Variants in NALCN observed in about 807,000 individuals in gnomAD.
NALCN encodes the protein sodium leak channel NALCN.
In NALCN, 111 loss-of-function variants were observed where a neutral mutation model predicts 225.3. The observed-to-expected ratio is 0.49, with a 90% CI of 0.42 to 0.58. The LOEUF (loss-of-function observed/expected upper bound fraction) is 0.58. NALCN is among the 20% of genes least tolerant of loss of function. The pLI is 0.00. For synonymous variants in NALCN, 764 were observed against 769.0 expected, an observed-to-expected ratio of 0.99 and a Z score of 0.11; for missense variants, 1,378 against 2,202.4, an observed-to-expected ratio of 0.63 and a Z score of 7.49.
chr13:101,296,344 C>A (rs1334099490), intron 7 of NALCN, among the ~76,000 whole-genome samples: 4 of 152,150 alleles, frequency 2.6e-5, no homozygotes, highest in Admixed American at 2.6e-4. Flanking sequence ...TTGATTAATT[C>A]TTCCTCAATA....
In NALCN at chr13:101,144,901, A is replaced by G; in HGVS notation, c.1840-5T>C. On this transcript the variant is annotated splice_region_variant and splice_polypyrimidine_tract_variant and intron_variant, in intron 15 of 43. Coordinates refer to ENST00000251127, the MANE Select transcript of NALCN (RefSeq NM_052867.4). Reference sequence around the variant, plus strand: ...ATTTGCTTCACTTTGCTTTAACTAAAGAAAAATTGGAAAGAAGAAAAAAAG... The same window carrying G: ...ATTTGCTTCACTTTGCTTTAACTAAGGAAAAATTGGAAAGAAGAAAAAAAG... The G allele has an allele frequency of 1.3e-6, 2 of 1,598,502 alleles. No homozygotes were observed. The highest frequency in any genetic ancestry group is 1.7e-6 in the Non-Finnish European group (2 of 1,176,116).
At chr13:101,279,232 G>T (rs1012640429) in intron 10 of NALCN, among the ~76,000 whole-genome samples, 3 of 152,220 alleles carry the variant, frequency 2.0e-5, no homozygotes, top group Non-Finnish European at 2.9e-5. Context: ...GGATAAGAAA[G>T]TGATGTTTGA....
intron 11 of NALCN, among the ~76,000 whole-genome samples, chr13:101,251,780 GT>G (rs1454331671): frequency 6.6e-6 from 1 of 152,122 alleles, no homozygotes; most frequent in Non-Finnish European, 1.5e-5. Flanking sequence ...AATTAATTTA[GT>G]CTCAGCACGT....
intron 15 of NALCN, among the ~76,000 whole-genome samples, chr13:101,161,636 C>T (rs1470199606): frequency 1.3e-5 from 2 of 152,188 alleles, no homozygotes; most frequent in Non-Finnish European, 2.9e-5. Flanking sequence ...CTTTGGGAGG[C>T]CAAGGCAGGC....
At chr13:101,172,236 C>T (rs2038758875) in intron 15 of NALCN, among the ~76,000 whole-genome samples, 1 of 152,162 alleles carries the variant, frequency 6.6e-6, no homozygotes, top group African/African-American at 2.4e-5. Context: ...GCAGCCCATG[C>T]CTGCCCTCAG....
intron 34 of NALCN, among the ~76,000 whole-genome samples, chr13:101,080,309 G>A (rs1594160074): frequency 6.6e-6 from 1 of 151,946 alleles, no homozygotes; most frequent in Admixed American, 6.6e-5. Flanking sequence ...TTAAAATGTG[G>A]CAATTTAAAT....
intron 6 of NALCN, among the ~76,000 whole-genome samples, chr13:101,373,546 G>A (rs1224019685): frequency 1.3e-5 from 2 of 152,136 alleles, no homozygotes; most frequent in Admixed American, 6.6e-5. Context: ...TGAACAAAAC[G>A]GAAAAGCACT....
chr13:101,276,890 T>G (rs995234326), intron 10 of NALCN, among the ~76,000 whole-genome samples: 1 of 152,154 alleles, frequency 6.6e-6, no homozygotes, highest in Non-Finnish European at 1.5e-5. Context: ...TAAAATTAGT[T>G]GCTAATGTGT....
Position 101,062,040 on chromosome 13 carries a change from G to T in NALCN, c.4683C>A (p.Tyr1561Ter). 1 of 1,614,148 alleles carries T rather than the reference G, an allele frequency of 6.2e-7. No homozygotes were observed. The highest frequency in any genetic ancestry group is 1.1e-5 in the South Asian group (1 of 91,080). ...EELLAREQLE[Y>*]TIEEEVAKQT... Reference sequence around the variant, plus strand: ...GCTTGGCCACCTCCTCCTCTATGGTGTACTCCAGCTGCTCCCTCGCCAGGA... The same window carrying T: ...GCTTGGCCACCTCCTCCTCTATGGTTTACTCCAGCTGCTCCCTCGCCAGGA... Residue 1561 changes from tyrosine to a stop codon, truncating the protein, a stop_gained, in exon 41 of 44, where the codon TAC (tyrosine) becomes TAA (stop). Transcript: ENST00000251127. LOFTEE classifies it high-confidence loss of function.
intron 17 of NALCN, among the ~76,000 whole-genome samples, chr13:101,128,213 T>C (rs2036334749): frequency 6.6e-6 from 1 of 152,242 alleles, no homozygotes; most frequent in Non-Finnish European, 1.5e-5. Flanking sequence ...GTTTGGAAAC[T>C]GAAAACATCC....
chr13:101,377,133 A>C, intron 4 of NALCN, 77 bp from the exon 5 acceptor site: 2 of 1,572,102 alleles, frequency 1.3e-6, no homozygotes, highest in Non-Finnish European at 1.7e-6. Flanking sequence ...TACAGATGTT[A>C]GCAGCATAAG....
chr13:101,376,545 A>ATAAAG (rs201731994), intron 6 of NALCN, among the ~76,000 whole-genome samples, 155 bp downstream of exon 6: 1 of 143,146 alleles, frequency 7.0e-6, no homozygotes, highest in Admixed American at 6.9e-5. Flanking sequence ...ATAAAATAAA[A>ATAAAG]ACTGGACAAA....
At chr13:101,129,890 AC>A (rs2139724484) in intron 17 of NALCN, among the ~76,000 whole-genome samples, 1 of 148,880 alleles carries the variant, frequency 6.7e-6, no homozygotes, top group African/African-American at 2.5e-5. Context: ...CCCCGATAGC[AC>A]CCAGTGTGTG....
At chr13:101,095,485 CTT>C in intron 28 of NALCN, 87 bp downstream of exon 28, 1 of 1,032,290 alleles carries the variant, frequency 9.7e-7, no homozygotes, top group Non-Finnish European at 1.4e-6. Flanking sequence ...AGCAAAACTA[CTT>C]TTAGTTACAT....
chr13:101,406,730 G>A (rs2047637824), intron 1 of NALCN, among the ~76,000 whole-genome samples: 1 of 152,040 alleles, frequency 6.6e-6, no homozygotes, highest in Admixed American at 6.6e-5. Context: ...GTTTCTGAAG[G>A]TATTATCCAT....
chr13:101,134,315 C>T (rs1002575137), intron 17 of NALCN, among the ~76,000 whole-genome samples: 1 of 152,218 alleles, frequency 6.6e-6, no homozygotes, highest in African/African-American at 2.4e-5. Context: ...CATGCATACA[C>T]CAAATCTTCG....
intron 17 of NALCN, among the ~76,000 whole-genome samples, chr13:101,129,626 T>C (rs1001057848): frequency 6.6e-6 from 1 of 152,168 alleles, no homozygotes; most frequent in Non-Finnish European, 1.5e-5. Context: ...CTAGAGCCCA[T>C]AGATGCTCAC....
intron 10 of NALCN, among the ~76,000 whole-genome samples, chr13:101,263,492 ACTTT>A (rs1160003410): frequency 6.6e-6 from 1 of 152,166 alleles, no homozygotes; most frequent in Non-Finnish European, 1.5e-5. Context: ...AAAAGCCACA[ACTTT>A]CTTTTTCTAT....
intron 7 of NALCN, among the ~76,000 whole-genome samples, chr13:101,308,289 C>T (rs2044220603): frequency 2.0e-5 from 3 of 152,200 alleles, no homozygotes; most frequent in Admixed American, 2.0e-4. Flanking sequence ...GAATTTCCTG[C>T]AAGGAGTTGT....
Sources: gnomAD v4.1 joint callset for allele counts (sites outside exome capture counted in the v4.1 genomes callset) on GRCh38, gnomAD v4.1.1 for gene constraint, MANE v1.5 for transcripts, NCBI Gene and HGNC (gene_info 2026-07-23, HGNC 2026-07-21) for gene names.